Variants in GPC5 observed in about 807,000 individuals in gnomAD.
GPC5 encodes the protein glypican-5.
Under a neutral mutation model 53.9 loss-of-function variants are expected in GPC5, and 47 were observed. That is an observed-to-expected ratio of 0.87 (90% confidence interval 0.69 to 1.11). GPC5 has a LOEUF of 1.11. Among genes scored for constraint, GPC5 ranks in the 50% most tolerant of loss-of-function variants. GPC5 has a pLI of 0.00. For missense variants in GPC5, 748 were observed against 713.1 expected (o/e 1.05, Z -0.56); for synonymous variants, 286 against 263.3 (o/e 1.09, Z -0.84).
intron 7 of GPC5, among the ~76,000 whole-genome samples, chr13:92,279,152 A>G (rs1319341136): frequency 6.6e-6 from 1 of 152,068 alleles, no homozygotes; most frequent in Non-Finnish European, 1.5e-5. Flanking sequence ...TTTGATTACC[A>G]ATACAGGCTA....
At chr13:91,661,522 T>C (rs1334328980) in intron 2 of GPC5, among the ~76,000 whole-genome samples, 1 of 152,178 alleles carries the variant, frequency 6.6e-6, no homozygotes, top group Non-Finnish European at 1.5e-5. Context: ...ATTGCCATAA[T>C]AAATAAGTCA....
chr13:92,385,499 TACATATACATATATACATAC>T, intron 7 of GPC5, among the ~76,000 whole-genome samples: 1 of 132,114 alleles, frequency 7.6e-6, no homozygotes, highest in Non-Finnish European at 1.6e-5. Flanking sequence ...CATATATACA[TACATATACATATATACATAC>T]ATATGCATAT....
chr13:91,968,248 GT>G (rs199921840), intron 6 of GPC5, among the ~76,000 whole-genome samples: 22 of 150,798 alleles, frequency 1.5e-4, no homozygotes, highest in African/African-American at 4.4e-4. Context: ...CTATTTTAAA[GT>G]TTTTTTTTAT....
intron 7 of GPC5, among the ~76,000 whole-genome samples, chr13:92,239,531 G>A (rs1411753): frequency 7.3e-5 from 11 of 151,604 alleles, no homozygotes; most frequent in African/African-American, 2.2e-4. Context: ...CCTTCTTTGC[G>A]TATATTATTA....
intron 7 of GPC5, among the ~76,000 whole-genome samples, chr13:92,521,688 A>G (rs938170859): frequency 1.2e-4 from 19 of 152,174 alleles, no homozygotes; most frequent in African/African-American, 4.6e-4. Flanking sequence ...AAGAAAACCT[A>G]GGCAATACCA....
chr13:91,703,832 T>A (rs1397186579), intron 3 of GPC5, among the ~76,000 whole-genome samples: 2 of 152,226 alleles, frequency 1.3e-5, no homozygotes, highest in Non-Finnish European at 2.9e-5. Flanking sequence ...TTAATCCTTA[T>A]TGGTCTATTC....
At chr13:92,355,516 A>G (rs1277657622) in intron 7 of GPC5, among the ~76,000 whole-genome samples, 1 of 151,954 alleles carries the variant, frequency 6.6e-6, no homozygotes, top group Non-Finnish European at 1.5e-5. Flanking sequence ...AAATTATATC[A>G]TATGTTCCCC....
Position 92,167,615 on chromosome 13 carries a change from A to G in GPC5, c.1561+22626A>G, listed in dbSNP as rs1485468510. ...GAATTGAGACTAAAAACAATGAAAA[A>G]GAAATTGTGATTTTAAAGTTTCTGA... is the stretch of plus-strand genomic sequence containing the variant. On this transcript the variant is annotated intron_variant, in intron 7 of 7. Coordinates refer to ENST00000377067, the MANE Select transcript of GPC5 (RefSeq NM_004466.6). 2.6e-5 allele frequency among the ~76,000 whole-genome samples: 4 copies of G among 152,332 alleles called. No homozygotes were observed. The East Asian group carries it at 7.7e-4, about 29-fold the overall frequency.
At chr13:92,000,314 A>G (rs2040543280) in intron 6 of GPC5, among the ~76,000 whole-genome samples, 1 of 152,172 alleles carries the variant, frequency 6.6e-6, no homozygotes, top group African/African-American at 2.4e-5. Flanking sequence ...TAGAAACAAA[A>G]GATATGGTTA....
intron 6 of GPC5, among the ~76,000 whole-genome samples, chr13:92,096,292 T>C (rs577428794): frequency 6.6e-6 from 1 of 152,376 alleles, no homozygotes; most frequent in South Asian, 2.1e-4. Context: ...ATTCATGCAA[T>C]GACTTCTTGC....
chr13:92,595,591 A>G (rs1439575473), intron 7 of GPC5, among the ~76,000 whole-genome samples: 1 of 151,004 alleles, frequency 6.6e-6, no homozygotes, highest in Non-Finnish European at 1.5e-5. Context: ...ACACGGTGAA[A>G]CCCCGTCTCT....
At chr13:91,570,838 C>CT (rs1311071597) in intron 2 of GPC5, among the ~76,000 whole-genome samples, 1 of 152,128 alleles carries the variant, frequency 6.6e-6, no homozygotes, top group African/African-American at 2.4e-5. Context: ...GATGCATACA[C>CT]TTTATAAACT....
intron 2 of GPC5, among the ~76,000 whole-genome samples, chr13:91,488,552 G>A (rs1254610723): frequency 6.6e-6 from 1 of 152,198 alleles, no homozygotes; most frequent in Non-Finnish European, 1.5e-5. Context: ...CATTACTGCA[G>A]TCTCTGAACA....
At position 92,730,828 on chromosome 13, in the gene GPC5, T is replaced by C. The variant is rs142342009; in HGVS notation, c.1562-135454T>C. 1.2e-3 allele frequency among the ~76,000 whole-genome samples: 182 copies of C among 151,558 alleles called. 1 individual carries two copies. Among genetic ancestry groups the C allele is most frequent in the Non-Finnish European group, 1.8e-3 (122 of 67,620 alleles). ...ATGGAATAGAACTGAAACGTTCAAC[T>C]TGAGTTCTTGCACTGGAATCCCAAA... On this transcript the variant is annotated intron_variant, in intron 7 of 7. Transcript: ENST00000377067.
At chr13:92,156,877 T>A (rs2041948768) in intron 7 of GPC5, among the ~76,000 whole-genome samples, 1 of 152,060 alleles carries the variant, frequency 6.6e-6, no homozygotes, top group African/African-American at 2.4e-5. Context: ...ATTTTTAATA[T>A]TAATATTAAA....
intron 7 of GPC5, among the ~76,000 whole-genome samples, chr13:92,685,561 T>TTA (rs1887244530): frequency 2.0e-5 from 2 of 100,904 alleles, no homozygotes; most frequent in Admixed American, 1.2e-4. Context: ...TTTTTTTTAA[T>TTA]TTTTTTTTTT....
rs193263702 is a variant in GPC5, at chr13:92,597,848, G to A, written c.1562-268434G>A. Among the ~76,000 whole-genome samples the A allele has an allele frequency of 5.9e-5, 9 of 152,258 alleles. No individual in the cohort carries two copies. The East Asian group carries it at 7.7e-4, about 13-fold the overall frequency. ...CTGGCATGCTTGCATGCATTCATTC[G>A]TTCATTCATTCTGTTGCTGTTCATC... On this transcript the variant is annotated intron_variant, in intron 7 of 7. Transcript: ENST00000377067.
chr13:92,656,277 G>T lies in GPC5; in HGVS notation c.1562-210005G>T, dbSNP rs566502545. On this transcript the variant is annotated intron_variant, in intron 7 of 7. Coordinates refer to ENST00000377067, the MANE Select transcript of GPC5 (RefSeq NM_004466.6). ...GACATTGTGAGAAAAAGGTGAGGTG[G>T]CTTCAAATAGAGAATTAGCAATGAA... 5.3e-5 allele frequency among the ~76,000 whole-genome samples: 8 copies of T among 152,304 alleles called. No homozygotes were observed. In the East Asian group the frequency reaches 1.5e-3, roughly 29 times the overall value.
intron 6 of GPC5, among the ~76,000 whole-genome samples, chr13:92,136,205 C>T (rs1594777271): frequency 6.6e-6 from 1 of 152,058 alleles, no homozygotes; most frequent in African/African-American, 2.4e-5. Flanking sequence ...GATTTTGAAT[C>T]TGATTTCTAA....
Sources: gnomAD v4.1 joint callset for allele counts (sites outside exome capture counted in the v4.1 genomes callset) on GRCh38, gnomAD v4.1.1 for gene constraint, MANE v1.5 for transcripts, NCBI Gene and HGNC (gene_info 2026-07-23, HGNC 2026-07-21) for gene names.